The following SLC52A3 variants were observed in gnomAD, a reference collection of about 807,000 sequenced individuals.
SLC52A3 encodes the protein solute carrier family 52 member 3, also known as solute carrier family 52, riboflavin transporter, member 3.
Under a neutral mutation model 29.5 loss-of-function variants are expected in SLC52A3, and 20 were observed. The observed-to-expected ratio is 0.68, with a 90% CI of 0.48 to 0.99. The LOEUF (loss-of-function observed/expected upper bound fraction) is 0.99, where lower values mean the gene tolerates loss of function less well. SLC52A3 is among the 50% of genes least tolerant of loss of function. The pLI is 0.00. For missense variants in SLC52A3, 548 were observed against 612.9 expected (o/e 0.89, Z 1.12); for synonymous variants, 301 against 271.0 (o/e 1.11, Z -1.09).
chr20:769,870 C>T (rs1188614806), upstream of SLC52A3, among the ~76,000 whole-genome samples: 1 of 152,056 alleles, frequency 6.6e-6, no homozygotes, highest in African/African-American at 2.4e-5. Context: ...GCACTCCAGC[C>T]TGGGCAACAG....
chr20:761,224 C>G lies in SLC52A3; in HGVS notation c.1212G>C (p.Val404=). 1 of 1,552,710 alleles carries G rather than the reference C, an allele frequency of 6.4e-7. No individual in the cohort carries two copies. Among genetic ancestry groups the G allele is most frequent in the Middle Eastern group, 2.1e-4 (1 of 4,788 alleles). ...CGTAACTGAGGCAGCCGCTGAAAAGCACCCACGAGGCCACCTGCGGGGCCG... is the reference window on the plus strand; with the variant it reads ...CGTAACTGAGGCAGCCGCTGAAAAGGACCCACGAGGCCACCTGCGGGGCCG... ...GGEVLIVASW[V]LFSGCLSYVK... The change falls in exon 5 of 5, where the codon GTG becomes GTC. Residue 404 remains valine (V), a synonymous_variant. Transcript: ENST00000645534.
intron 4 of SLC52A3, 79 bp from the exon 5 acceptor site, chr20:761,317 T>A: frequency 7.1e-7 from 1 of 1,406,284 alleles, no homozygotes; most frequent in Non-Finnish European, 9.6e-7. Context: ...CTCACAGGGC[T>A]CAGGGGAACC....
chr20:777,765 T>C (rs78687378), upstream of SLC52A3, among the ~76,000 whole-genome samples: 2,784 of 152,230 alleles, frequency 0.018, 73 homozygotes, highest in African/African-American at 0.064. Context: ...CAGGAAGTGT[T>C]GCCACTGTTG....
chr20:763,252 T>G (rs772704803), intron 3 of SLC52A3, among the ~76,000 whole-genome samples: 42 of 152,286 alleles, frequency 2.8e-4, no homozygotes, highest in Middle Eastern at 3.4e-3. Flanking sequence ...ATATCATGCT[T>G]CCAGCAGTCC....
At chr20:777,975 GA>G (rs1987112978), upstream of SLC52A3, among the ~76,000 whole-genome samples, 1 of 150,708 alleles carries the variant, frequency 6.6e-6, no homozygotes, top group African/African-American at 2.4e-5. Context: ...CCTGTATCAG[GA>G]AAAAGGCTGC....
chr20:763,717 T>C lies in SLC52A3; in HGVS notation c.854A>G (p.Gln285Arg), dbSNP rs1986570318. Residue 285 changes from glutamine (Q) to arginine (R), a missense_variant, in exon 3 of 5, where the codon CAG becomes CGG. By Grantham distance (43) the Gln-to-Arg change is conservative (BLOSUM62 1). Coordinates refer to ENST00000645534, the MANE Select transcript of SLC52A3 (RefSeq NM_033409.4). ...PAGTVDSSQGQGYLEEKAAPC... is the reference protein window; with the variant it reads ...PAGTVDSSQGRGYLEEKAAPC... The stretch of plus-strand genomic sequence containing the variant: ...GGCTGCTTTCTCCTCTAGATACCCC[T>C]GGCCCTGGCTGCTGTCCACCGTGCC... 5 of 1,614,162 alleles carry C rather than the reference T, an allele frequency of 3.1e-6. No homozygotes were observed. The East Asian group carries it at 8.9e-5, about 29-fold the overall frequency.
upstream of SLC52A3, among the ~76,000 whole-genome samples, chr20:777,917 G>A (rs1987110495): frequency 6.6e-6 from 1 of 151,778 alleles, no homozygotes; most frequent in South Asian, 2.1e-4. Flanking sequence ...GCTATTCTTT[G>A]GTAAAAGAAA....
intron 1 of SLC52A3, among the ~76,000 whole-genome samples, chr20:767,022 C>T (rs1015618675): frequency 9.2e-5 from 13 of 141,956 alleles, no homozygotes; most frequent in South Asian, 2.4e-4. Context: ...TTATAGATTG[C>T]GATCTTGTTG....
chr20:761,352 G>T, intron 4 of SLC52A3, 114 bp from the exon 5 acceptor site: 1 of 1,217,414 alleles, frequency 8.2e-7, no homozygotes, highest in Non-Finnish European at 1.1e-6. Flanking sequence ...TAGGTGCGAG[G>T]AGCGCCTTCT....
upstream of SLC52A3, among the ~76,000 whole-genome samples, chr20:778,732 T>C (rs576748552): frequency 2.1e-4 from 32 of 150,856 alleles, no homozygotes; most frequent in Middle Eastern, 3.4e-3. Flanking sequence ...TCTTCTTCTT[T>C]TTTTTTTTTT....
Position 763,672 on chromosome 20 carries a change from A to G in SLC52A3, c.899T>C (p.Leu300Pro), listed in dbSNP as rs1414311858. ...GGCCACCAGGGTATAGATGAAGGCCAGGTGCGCCGGGCAGCAGGGGGCTGC... is the reference window on the plus strand; with the variant it reads ...GGCCACCAGGGTATAGATGAAGGCCGGGTGCGCCGGGCAGCAGGGGGCTGC... ...EKAAPCCPAH[L>P]AFIYTLVAFV... Residue 300 changes from leucine (L) to proline (P), a missense_variant, in exon 3 of 5, where the codon CTG becomes CCG. This residue lies in a region of SLC52A3 where 375 missense variants were observed against 471.1 expected (regional missense o/e 0.80). Coordinates refer to ENST00000645534, the MANE Select transcript of SLC52A3 (RefSeq NM_033409.4). 4 of 1,614,080 alleles carry G rather than the reference A, an allele frequency of 2.5e-6. No individual in the cohort carries two copies. Among genetic ancestry groups the G allele is most frequent in the African/African-American group, 1.3e-5 (1 of 74,940 alleles).
At chr20:767,036 A>ATAG (rs10664680) in intron 1 of SLC52A3, among the ~76,000 whole-genome samples, 40,858 of 151,970 alleles carry the variant, frequency 0.27, 5,970 homozygotes, top group South Asian at 0.36. Context: ...CTTGTTGGTA[A>ATAG]TAGCAAGTTA....
chr20:775,040 C>T (rs888062080), intron 1 of SLC52A3, among the ~76,000 whole-genome samples: 5 of 152,202 alleles, frequency 3.3e-5, no homozygotes, highest in South Asian at 4.1e-4. Flanking sequence ...CCAGTAGAAG[C>T]GGACAGTGAG....
At chr20:769,548 T>C (rs950430509), upstream of SLC52A3, among the ~76,000 whole-genome samples, 2 of 152,164 alleles carry the variant, frequency 1.3e-5, no homozygotes, top group Non-Finnish European at 2.9e-5. Context: ...GAGGGCTCAA[T>C]GAACCATCAT....
At chr20:766,553 T>C (rs6085769) in intron 1 of SLC52A3, among the ~76,000 whole-genome samples, 43,997 of 151,934 alleles carry the variant, frequency 0.29, 6,760 homozygotes, top group African/African-American at 0.38. Flanking sequence ...GTGAAATTCC[T>C]TCTCCTGGCT....
At chr20:767,286 G>T (rs1268570829) in intron 1 of SLC52A3, among the ~76,000 whole-genome samples, 1 of 152,118 alleles carries the variant, frequency 6.6e-6, no homozygotes, top group Admixed American at 6.5e-5. Flanking sequence ...TGTTTTCTTT[G>T]CTTGTACTTG....
At chr20:761,541 T>G in intron 4 of SLC52A3, 160 bp downstream of exon 4, 1 of 1,092,740 alleles carries the variant, frequency 9.2e-7, no homozygotes, top group Non-Finnish European at 1.3e-6. Flanking sequence ...TCCCTAAGCC[T>G]CCACTCCCAA....
chr20:765,355 G>C lies in SLC52A3; in HGVS notation c.420C>G (p.Thr140=). 1 of 1,614,154 alleles carries C rather than the reference G, an allele frequency of 6.2e-7. No individual in the cohort carries two copies. ...MSRLPTYYLT[T]FFVGEGLSGL... ...CGCTGAGTCCTTCACCCACAAAGAA[G>C]GTGGTGAGGTAGTAGGTGGGCAGCC... The change falls in exon 2 of 5, where the codon ACC becomes ACG. Residue 140 remains threonine (T), a synonymous_variant. Transcript: ENST00000645534. The surrounding 1 kb of genome is among the most constrained non-coding windows in gnomAD (Gnocchi z 6.6).
intron 2 of SLC52A3, among the ~76,000 whole-genome samples, chr20:764,800 C>T (rs6085741): frequency 6.6e-6 from 1 of 152,068 alleles, no homozygotes; most frequent in Non-Finnish European, 1.5e-5. Flanking sequence ...ATCTGTACCA[C>T]GAAGGGGTAT....
Sources: gnomAD v4.1 joint callset for allele counts (sites outside exome capture counted in the v4.1 genomes callset) on GRCh38, gnomAD v4.1.1 for gene constraint, gnomAD v4.1.1 regional missense constraint, Gnocchi (gnomAD v3.1) non-coding constraint, MANE v1.5 for transcripts, NCBI Gene and HGNC (gene_info 2026-07-23, HGNC 2026-07-21) for gene names.